Variants in TRAPPC9 observed in about 807,000 individuals in gnomAD.
The protein encoded by TRAPPC9 is IKK2 binding protein.
Under a neutral mutation model 124.0 loss-of-function variants are expected in TRAPPC9, and 83 were observed. The ratio of observed to expected loss-of-function variants is 0.67; its 90% CI spans 0.56 to 0.80. TRAPPC9 has a LOEUF of 0.80. TRAPPC9 is among the 30% of genes least tolerant of loss of function. The pLI is 0.00. For synonymous variants in TRAPPC9, 638 were observed against 617.5 expected, an observed-to-expected ratio of 1.03 and a Z score of -0.49; for missense variants, 1,302 against 1,508.3, an observed-to-expected ratio of 0.86 and a Z score of 2.27.
Position 140,405,752 on chromosome 8 carries a change from C to A in TRAPPC9, c.887-54G>T, listed in dbSNP as rs1302022401. Reference sequence around the variant, plus strand: ...ATCTTTTGCTTTTTCTGTATTATTTCTTTGTTAAAGAGGAGCATGAATAAG... The same window carrying A: ...ATCTTTTGCTTTTTCTGTATTATTTATTTGTTAAAGAGGAGCATGAATAAG... On this transcript the variant is annotated intron_variant, in intron 5 of 22. Transcript: ENST00000438773. 4 of 1,607,888 alleles carry A rather than the reference C, an allele frequency of 2.5e-6. No homozygotes were observed. The East Asian group carries it at 8.9e-5, about 36-fold the overall frequency.
intron 18 of TRAPPC9, among the ~76,000 whole-genome samples, chr8:139,990,660 C>T (rs952139409): frequency 6.6e-6 from 1 of 151,964 alleles, no homozygotes; most frequent in Admixed American, 6.5e-5. Context: ...AATCTCGGCT[C>T]ACTGCAACCT....
intron 21 of TRAPPC9, among the ~76,000 whole-genome samples, chr8:139,753,332 C>T (rs1269004373): frequency 2.0e-5 from 3 of 150,252 alleles, no homozygotes; most frequent in East Asian, 3.9e-4. Flanking sequence ...TCCACCCATC[C>T]ACCCATCTAC....
At chr8:139,745,290 C>T (rs1413046406) in intron 21 of TRAPPC9, among the ~76,000 whole-genome samples, 4 of 152,186 alleles carry the variant, frequency 2.6e-5, no homozygotes, top group Non-Finnish European at 5.9e-5. Context: ...TGAGCCCCTT[C>T]GGAAGCCAGA....
intron 16 of TRAPPC9, among the ~76,000 whole-genome samples, chr8:140,230,454 C>CA (rs1341608879): frequency 2.0e-5 from 3 of 151,756 alleles, no homozygotes; most frequent in Admixed American, 1.3e-4. Flanking sequence ...ACTAAAAATA[C>CA]AAAAAAAATT....
At chr8:140,022,709 T>G (rs190795759) in intron 18 of TRAPPC9, among the ~76,000 whole-genome samples, 10 of 152,348 alleles carry the variant, frequency 6.6e-5, no homozygotes, top group South Asian at 2.1e-4. Context: ...GCAGCCATCC[T>G]GGCCAAGCTT....
At chr8:140,122,050 T>TCC (rs1554627665) in intron 17 of TRAPPC9, among the ~76,000 whole-genome samples, 1 of 149,794 alleles carries the variant, frequency 6.7e-6, no homozygotes, top group African/African-American at 2.5e-5. Context: ...TCTCTCTCTC[T>TCC]CCCTTTCTCC....
At chr8:139,798,942 T>G (rs1229723614) in intron 21 of TRAPPC9, among the ~76,000 whole-genome samples, 1 of 152,190 alleles carries the variant, frequency 6.6e-6, no homozygotes, top group African/African-American at 2.4e-5. Context: ...CTCAAGCTTT[T>G]CGGGGCCACT....
chr8:140,208,498 C>T (rs1200254846), intron 17 of TRAPPC9, among the ~76,000 whole-genome samples: 1 of 152,258 alleles, frequency 6.6e-6, no homozygotes, highest in Non-Finnish European at 1.5e-5. Flanking sequence ...CATAACCAGC[C>T]TTCCAGGTGA....
At chr8:140,419,657 A>C (rs1440104745) in intron 5 of TRAPPC9, among the ~76,000 whole-genome samples, 2 of 151,374 alleles carry the variant, frequency 1.3e-5, no homozygotes, top group East Asian at 3.9e-4. Context: ...AGGCCGAGGC[A>C]AGGAGATCAC....
At chr8:140,153,547 T>C (rs535071435) in intron 17 of TRAPPC9, among the ~76,000 whole-genome samples, 6 of 152,142 alleles carry the variant, frequency 3.9e-5, no homozygotes, top group Non-Finnish European at 5.9e-5. Flanking sequence ...TCTTTCTCCA[T>C]AGACAATCAA....
chr8:139,750,687 T>C (rs543639025), intron 21 of TRAPPC9, among the ~76,000 whole-genome samples: 1 of 152,294 alleles, frequency 6.6e-6, no homozygotes, highest in South Asian at 2.1e-4. Flanking sequence ...CTAAATGAGC[T>C]TTCCAGCACG....
chr8:140,372,737 G>A (rs987322195), intron 7 of TRAPPC9, among the ~76,000 whole-genome samples: 1 of 152,198 alleles, frequency 6.6e-6, no homozygotes, highest in East Asian at 1.9e-4. Flanking sequence ...TGAGAACACA[G>A]AGAAAAGACG....
At chr8:139,746,127 A>G (rs1173253273) in intron 21 of TRAPPC9, among the ~76,000 whole-genome samples, 1 of 152,200 alleles carries the variant, frequency 6.6e-6, no homozygotes, top group Admixed American at 6.5e-5. Flanking sequence ...GGCTCCTGCA[A>G]TCGCCGCCGG....
chr8:140,148,475 T>A (rs1369910621), intron 17 of TRAPPC9, among the ~76,000 whole-genome samples: 1 of 152,168 alleles, frequency 6.6e-6, no homozygotes, highest in African/African-American at 2.4e-5. Flanking sequence ...TTCAGAGCTG[T>A]CCATTTATCA....
At chr8:140,425,598 TACAACTAATGTGA>T (rs2070394619) in intron 5 of TRAPPC9, among the ~76,000 whole-genome samples, 76 of 152,304 alleles carry the variant, frequency 5.0e-4, no homozygotes, top group African/African-American at 1.8e-3. Flanking sequence ...CTAATTCTCC[TACAACTAATGTGA>T]TTGACACACT....
chr8:140,284,589 G>T (rs1010343759), intron 13 of TRAPPC9, among the ~76,000 whole-genome samples: 3 of 152,116 alleles, frequency 2.0e-5, no homozygotes, highest in Non-Finnish European at 4.4e-5. Context: ...ATAATCACTT[G>T]AAATTGTTTA....
intron 17 of TRAPPC9, among the ~76,000 whole-genome samples, chr8:140,043,999 C>A (rs887759945): frequency 1.3e-5 from 2 of 152,192 alleles, no homozygotes; most frequent in African/African-American, 4.8e-5. Context: ...GGTAAGCAGA[C>A]CGCCCCATTC....
intron 8 of TRAPPC9, 137 bp from the exon 9 acceptor site, chr8:140,360,330 C>T: frequency 8.5e-7 from 1 of 1,171,398 alleles, no homozygotes; most frequent in South Asian, 1.3e-5. Context: ...AAAAATATTT[C>T]CTCTGCTTTT....
chr8:139,757,133 T>A (rs1192478948), intron 21 of TRAPPC9, among the ~76,000 whole-genome samples: 4 of 100,042 alleles, frequency 4.0e-5, no homozygotes, highest in South Asian at 3.8e-4. Context: ...GGAGCCAGGG[T>A]TTGAGGATGA....
Sources: gnomAD v4.1 joint callset for allele counts (sites outside exome capture counted in the v4.1 genomes callset) on GRCh38, gnomAD v4.1.1 for gene constraint, MANE v1.5 for transcripts, NCBI Gene and HGNC (gene_info 2026-07-23, HGNC 2026-07-21) for gene names.